RPL23A: variants seen among roughly 807,000 people sequenced by gnomAD.
RPL23A encodes ribosomal protein L23a.
A neutral mutation model predicts 17.6 loss-of-function variants in RPL23A; 2 were observed. That is an observed-to-expected ratio of 0.11 (90% CI 0.05 to 0.36). The LOEUF is 0.36. RPL23A is among the 10% of genes least tolerant of loss of function. The pLI is 1.00. For synonymous variants in RPL23A, 65 were observed against 74.3 expected (o/e 0.87, Z 0.65); for missense variants, 132 against 194.4 (o/e 0.68, Z 1.91).
chr17:28,721,762 T>G (rs1333647579), intron 2 of RPL23A: 3 of 152,204 alleles, frequency 2.0e-5, no homozygotes, highest in African/African-American at 7.2e-5. Context: ...AATGGGTTTT[T>G]GCTGCTTCTA....
chr17:28,723,187 G>C (rs1337103388), intron 3 of RPL23A: 5 of 532,370 alleles, frequency 9.4e-6, no homozygotes, highest in African/African-American at 7.6e-5. Flanking sequence ...ACTTGGTGTA[G>C]GTTTAGCAGT....
rs548675096 is a variant in RPL23A at position 28,724,106 on chromosome 17, A to T, written c.*225A>T. The T allele has an allele frequency of 7.7e-6, 4 of 520,856 alleles. No homozygotes were observed. In the East Asian group the frequency reaches 1.2e-4, roughly 16 times the overall value. 32.3% of individuals were successfully genotyped at this position (520,856 alleles called of 1,614,324 possible). ...TCTTTGTGACTAGAGTTAGTGTCCT[A>T]GGAAAACCAGAACTCAGAACTTGCC... On this transcript the variant is annotated 3_prime_UTR_variant, in exon 5 of 5. Coordinates refer to ENST00000422514, the MANE Select transcript of RPL23A (RefSeq NM_000984.6).
chr17:28,723,840 G>C, intron 4 of RPL23A, 27 bp from the exon 5 acceptor site: 1 of 1,602,772 alleles, frequency 6.2e-7, no homozygotes, highest in Non-Finnish European at 8.5e-7. Context: ...TTCAACTCCA[G>C]TAACGAGGCT....
intron 3 of RPL23A, 72 bp downstream of exon 3, chr17:28,722,971 G>T: frequency 8.2e-7 from 1 of 1,219,002 alleles, no homozygotes; most frequent in Non-Finnish European, 1.2e-6. Flanking sequence ...TGCATTCCAT[G>T]AAGCTTTTTG....
chr17:28,720,283 G>A, intron 1 of RPL23A: 2 of 1,548,480 alleles, frequency 1.3e-6, no homozygotes, highest in Non-Finnish European at 1.7e-6. Flanking sequence ...TTCGGTTCTG[G>A]GAAGCTACAT....
At chr17:28,722,681 A>C in intron 2 of RPL23A, 42 bp from the exon 3 acceptor site, 1 of 1,575,544 alleles carries the variant, frequency 6.3e-7, no homozygotes, top group South Asian at 1.1e-5. Context: ...GGGCTCCAAA[A>C]GAATGGGCCC....
intron 2 of RPL23A, 117 bp downstream of exon 2, chr17:28,721,007 C>T (rs988658641): frequency 1.3e-5 from 11 of 874,350 alleles, no homozygotes; most frequent in Non-Finnish European, 2.0e-5. Context: ...GTGTGCTTCT[C>T]TAATTGGAAG....
At chr17:28,722,585 G>A in intron 2 of RPL23A, 138 bp from the exon 3 acceptor site, 3 of 798,004 alleles carry the variant, frequency 3.8e-6, no homozygotes, top group South Asian at 2.7e-5. Flanking sequence ...ATTTCAGGGT[G>A]CAGATGATGA....
intron 2 of RPL23A, 137 bp downstream of exon 2, chr17:28,721,027 A>T: frequency 1.3e-6 from 1 of 779,144 alleles, no homozygotes; most frequent in South Asian, 1.8e-5. Flanking sequence ...GTATGAGGAG[A>T]TTGTTTCTGC....
chr17:28,723,785 C>T (rs746361417), intron 4 of RPL23A, 82 bp from the exon 5 acceptor site: 1 of 1,421,882 alleles, frequency 7.0e-7, no homozygotes. Flanking sequence ...CCTCACATTC[C>T]TCATTTTGCT....
intron 2 of RPL23A, 189 bp downstream of exon 2, chr17:28,721,079 C>T: frequency 3.7e-6 from 2 of 534,238 alleles, no homozygotes; most frequent in South Asian, 2.0e-5. Flanking sequence ...AGGCCGGGCG[C>T]GGTGGCTCAC....
At chr17:28,720,678 C>A in intron 1 of RPL23A, 29 bp from the exon 2 acceptor site, 1 of 1,612,760 alleles carries the variant, frequency 6.2e-7, no homozygotes, top group Non-Finnish European at 8.5e-7. Flanking sequence ...CTAAATCCCG[C>A]ACCCACGTTT....
chr17:28,722,613 A>G, intron 2 of RPL23A, 110 bp from the exon 3 acceptor site: 1 of 926,966 alleles, frequency 1.1e-6, no homozygotes, highest in Non-Finnish European at 1.8e-6. Context: ...AAGCGACCAA[A>G]GTCTGAACAA....
At chr17:28,721,080 G>A (rs1318637789) in intron 2 of RPL23A, 190 bp downstream of exon 2, 1 of 536,998 alleles carries the variant, frequency 1.9e-6, no homozygotes, top group Admixed American at 3.2e-5. Flanking sequence ...GGCCGGGCGC[G>A]GTGGCTCACG....
intron 2 of RPL23A, chr17:28,721,938 C>T (rs1431884646): frequency 6.6e-6 from 1 of 152,142 alleles, no homozygotes; most frequent in Non-Finnish European, 1.5e-5. Context: ...TTAACCTCAC[C>T]TATGCATAAG....
rs2034163831 is a variant in RPL23A at position 28,723,919 on chromosome 17, A to G, written c.*38A>G. The G allele has an allele frequency of 6.3e-6, 9 of 1,433,346 alleles. No individual in the cohort carries two copies. The Middle Eastern group carries it at 7.2e-4, about 115-fold the overall frequency. The allele number at this position is 1,433,346 out of a possible 1,614,324, so 88.8% of individuals were successfully genotyped here. A position where few individuals can be genotyped will look rare whatever the true frequency, so the allele number is the denominator to read the frequency against. On this transcript the variant is annotated 3_prime_UTR_variant, in exon 5 of 5. Coordinates refer to ENST00000422514, the MANE Select transcript of RPL23A (RefSeq NM_000984.6). The stretch of plus-strand genomic sequence containing the variant: ...TGCCTAATTCTGAATATATATATAT[A>G]TATATCTTTTCACCATATACATGCC...
At chr17:28,722,271 G>T (rs974627023) in intron 2 of RPL23A, 2 of 223,148 alleles carry the variant, frequency 9.0e-6, no homozygotes, top group Non-Finnish European at 1.8e-5. Flanking sequence ...AAAGGAATTT[G>T]CCCCTGGCCC....
chr17:28,723,755 C>T (rs776690432), intron 4 of RPL23A, 112 bp from the exon 5 acceptor site: 1 of 1,356,316 alleles, frequency 7.4e-7, no homozygotes, highest in South Asian at 1.2e-5. Context: ...GACTGCACCC[C>T]TATCCTTGAC....
chr17:28,720,165 C>T, intron 1 of RPL23A, 135 bp downstream of exon 1: 1 of 1,528,750 alleles, frequency 6.5e-7, no homozygotes, highest in South Asian at 1.2e-5. Flanking sequence ...TTCGGACACG[C>T]TGCAGTATAC....
Sources: allele counts gnomAD v4.1 joint callset, GRCh38; gene constraint gnomAD v4.1.1; transcripts MANE v1.5; gene names NCBI Gene and HGNC (gene_info 2026-07-23, HGNC 2026-07-21).